Variants in ZFHX3 observed in about 807,000 individuals in gnomAD.
ZFHX3 encodes the protein zinc finger homeobox protein 3.
ZFHX3 carries 42 observed loss-of-function variants against 279.1 expected under a neutral mutation model. That is an observed-to-expected ratio of 0.15 (90% CI 0.12 to 0.19). The LOEUF (loss-of-function observed/expected upper bound fraction) is 0.19. Ranked by LOEUF, ZFHX3 falls within the 10% of genes least tolerant of loss-of-function variation. ZFHX3 has a pLI of 1.00. For synonymous variants in ZFHX3, 2,293 were observed against 1,957.8 expected, an observed-to-expected ratio of 1.17 and a Z score of -4.52; for missense variants, 4,981 against 4,754.0, an observed-to-expected ratio of 1.05 and a Z score of -1.40.
intron 4 of ZFHX3, among the ~76,000 whole-genome samples, chr16:73,278,257 G>A (rs956108903): frequency 2.0e-5 from 3 of 152,166 alleles, no homozygotes; most frequent in Non-Finnish European, 2.9e-5. Context: ...TACTGTTGTT[G>A]TAGCAAATCT....
At chr16:73,526,917 AT>A (rs1411632307) in intron 2 of ZFHX3, among the ~76,000 whole-genome samples, 1 of 151,836 alleles carries the variant, frequency 6.6e-6, no homozygotes, top group African/African-American at 2.4e-5. Flanking sequence ...TACATTTACT[AT>A]ACAGTCCTCA....
chr16:73,184,882 T>C (rs1967876759), intron 5 of ZFHX3, among the ~76,000 whole-genome samples: 1 of 152,230 alleles, frequency 6.6e-6, no homozygotes, highest in African/African-American at 2.4e-5. Flanking sequence ...AAACATTCAT[T>C]GATTATCTCC....
intron 7 of ZFHX3, chr16:73,094,486 C>T (rs1966132233): frequency 6.6e-6 from 1 of 151,424 alleles, no homozygotes; most frequent in Non-Finnish European, 1.5e-5. Context: ...GTACTAGGTA[C>T]AAAGTAGCTG....
chr16:72,832,239 A>G (rs2037077424), intron 4 of ZFHX3, among the ~76,000 whole-genome samples: 1 of 152,156 alleles, frequency 6.6e-6, no homozygotes, highest in South Asian at 2.1e-4. Flanking sequence ...ACTGACCCCA[A>G]TTCTTTGAGC....
chr16:73,628,122 G>A (rs76107869), intron 2 of ZFHX3, among the ~76,000 whole-genome samples: 26 of 152,134 alleles, frequency 1.7e-4, no homozygotes, highest in Non-Finnish European at 2.8e-4. Context: ...ACTACCCAAC[G>A]TGTCTACCTC....
intron 2 of ZFHX3, among the ~76,000 whole-genome samples, chr16:73,598,760 CTTTT>C (rs369908781): frequency 6.6e-6 from 1 of 151,076 alleles, no homozygotes; most frequent in African/African-American, 2.4e-5. Flanking sequence ...CAAATACTCT[CTTTT>C]TTGTTTGTTT....
At chr16:73,313,152 C>G (rs1404708612) in intron 4 of ZFHX3, among the ~76,000 whole-genome samples, 1 of 152,172 alleles carries the variant, frequency 6.6e-6, no homozygotes, top group Non-Finnish European at 1.5e-5. Context: ...CCTTTTCTCG[C>G]TCTCTCTCCT....
chr16:73,194,871 T>C (rs1392748666), intron 5 of ZFHX3, among the ~76,000 whole-genome samples: 1 of 152,218 alleles, frequency 6.6e-6, no homozygotes, highest in African/African-American at 2.4e-5. Context: ...CAGTTAATAG[T>C]GGAAGTTTCC....
chr16:73,608,016 G>A (rs896384320), intron 2 of ZFHX3, among the ~76,000 whole-genome samples: 13 of 151,944 alleles, frequency 8.6e-5, no homozygotes, highest in Non-Finnish European at 1.8e-4. Flanking sequence ...TGAGGCTGCA[G>A]TGGACTGTGA....
chr16:73,395,516 C>G (rs1345265499), intron 3 of ZFHX3, among the ~76,000 whole-genome samples: 1 of 151,770 alleles, frequency 6.6e-6, no homozygotes, highest in Non-Finnish European at 1.5e-5. Flanking sequence ...GAGGGTCACC[C>G]TGCACCGTGC....
intron 2 of ZFHX3, among the ~76,000 whole-genome samples, chr16:73,622,641 A>G (rs1254597058): frequency 6.6e-6 from 1 of 152,176 alleles, no homozygotes; most frequent in African/African-American, 2.4e-5. Flanking sequence ...AGAAAATCAG[A>G]ATCAGGTGCT....
intron 1 of ZFHX3, among the ~76,000 whole-genome samples, chr16:73,727,247 C>T (rs1216890386): frequency 6.6e-6 from 1 of 152,208 alleles, no homozygotes; most frequent in African/African-American, 2.4e-5. Context: ...GGGCCCCCCA[C>T]CCAAGCCAGA....
chr16:73,376,486 T>A (rs948180350), intron 3 of ZFHX3, among the ~76,000 whole-genome samples: 43 of 152,194 alleles, frequency 2.8e-4, no homozygotes, highest in Middle Eastern at 3.2e-3. Flanking sequence ...TTCATTTTCA[T>A]GAAAGGAAGG....
At chr16:73,487,514 C>T (rs990026053) in intron 2 of ZFHX3, 4 of 392,094 alleles carry the variant, frequency 1.0e-5, no homozygotes, top group Middle Eastern at 8.7e-4. Context: ...GATCTTCCCA[C>T]CTCAGCCTTC....
chr16:73,256,063 G>A (rs1437878891), intron 5 of ZFHX3, among the ~76,000 whole-genome samples: 1 of 152,182 alleles, frequency 6.6e-6, no homozygotes, highest in Non-Finnish European at 1.5e-5. Flanking sequence ...TGCAAATTAG[G>A]AGGCGATGAC....
chr16:73,536,420 C>T (rs566980081), intron 2 of ZFHX3, among the ~76,000 whole-genome samples: 15 of 152,278 alleles, frequency 9.9e-5, no homozygotes, highest in East Asian at 9.6e-4. Flanking sequence ...AGTCATCATT[C>T]GCTAACTTTA....
At chr16:72,942,035 A>T (rs950092043) in intron 3 of ZFHX3, among the ~76,000 whole-genome samples, 15 of 152,212 alleles carry the variant, frequency 9.9e-5, no homozygotes, top group Non-Finnish European at 2.1e-4. Context: ...GGATCATATA[A>T]TTATTTAAAA....
chr16:73,576,894 T>A (rs80017056), intron 2 of ZFHX3, among the ~76,000 whole-genome samples: 3 of 152,118 alleles, frequency 2.0e-5, no homozygotes, highest in African/African-American at 7.2e-5. Context: ...CACGCTCAAG[T>A]AGGCCCCAGT....
intron 5 of ZFHX3, among the ~76,000 whole-genome samples, chr16:73,167,195 A>G (rs530728531): frequency 1.5e-4 from 23 of 152,268 alleles, no homozygotes; most frequent in Non-Finnish European, 3.2e-4. Flanking sequence ...CTTGAGATTT[A>G]CCTGATAAAC....
Sources: gnomAD v4.1 joint callset for allele counts (sites outside exome capture counted in the v4.1 genomes callset) on GRCh38, gnomAD v4.1.1 for gene constraint, MANE v1.5 for transcripts, NCBI Gene and HGNC (gene_info 2026-07-23, HGNC 2026-07-21) for gene names.